The following CYB5R4 variants were observed in gnomAD, a reference collection of about 807,000 sequenced individuals.
CYB5R4 encodes N-terminal cytochrome b5 and cytochrome b5 oxidoreductase domain-containing protein.
A neutral mutation model predicts 70.2 loss-of-function variants in CYB5R4; 55 were observed. The ratio of observed to expected loss-of-function variants is 0.78; its 90% CI spans 0.63 to 0.98. The LOEUF (loss-of-function observed/expected upper bound fraction) is 0.98, where lower values mean the gene tolerates loss of function less well. CYB5R4 is among the 50% of genes least tolerant of loss of function. CYB5R4 has a pLI of 0.00. For synonymous variants in CYB5R4, 197 were observed against 199.5 expected (o/e 0.99, Z 0.11); for missense variants, 562 against 612.6 (o/e 0.92, Z 0.87).
Position 83,961,313 on chromosome 6 carries a change from C to T in CYB5R4, c.*1435C>T, listed in dbSNP as rs1399086849. On this transcript the variant is annotated 3_prime_UTR_variant, in exon 16 of 16. Transcript: ENST00000369681. ...ACTTTTTCTAGCTTCATGCCTTCCC[C>T]CTACTTATTTTTTTCCATCTAAGGG... is the stretch of plus-strand genomic sequence containing the variant. The T allele has an allele frequency of 6.6e-6, 1 of 152,062 alleles. No individual in the cohort carries two copies. The highest frequency in any genetic ancestry group is 6.6e-5 in the Admixed American group (1 of 15,252). 9.4% of individuals were successfully genotyped at this position (152,062 alleles called of 1,614,324 possible).
intron 4 of CYB5R4, among the ~76,000 whole-genome samples, chr6:83,913,978 G>A (rs934920963): frequency 2.2e-4 from 34 of 152,076 alleles, no homozygotes; most frequent in African/African-American, 7.2e-4. Flanking sequence ...TTTATGCATT[G>A]AACTCAGTAA....
At chr6:83,882,717 G>A (rs2099459656) in intron 2 of CYB5R4, among the ~76,000 whole-genome samples, 1 of 152,194 alleles carries the variant, frequency 6.6e-6, no homozygotes, top group Non-Finnish European at 1.5e-5. Flanking sequence ...GCCCGGCGTG[G>A]TGGCTCACGC....
At chr6:83,919,534 TTA>T (rs2099466033) in intron 7 of CYB5R4, 80 bp downstream of exon 7, 1 of 655,880 alleles carries the variant, frequency 1.5e-6, no homozygotes, top group East Asian at 3.3e-5. Context: ...AAACACTTTT[TTA>T]TATTATTTAC....
intron 3 of CYB5R4, among the ~76,000 whole-genome samples, chr6:83,894,129 TG>T (rs372105026): frequency 2.6e-5 from 4 of 152,328 alleles, no homozygotes; most frequent in African/African-American, 9.6e-5. Flanking sequence ...TTTCCTAGCA[TG>T]ATGGCAGAGA....
chr6:83,930,776 A>C (rs966627722), intron 10 of CYB5R4, among the ~76,000 whole-genome samples: 2 of 146,888 alleles, frequency 1.4e-5, no homozygotes, highest in African/African-American at 5.3e-5. Context: ...GTTGAGACTT[A>C]CTATGTGAAA....
At chr6:83,931,977 T>G (rs2099468219) in intron 10 of CYB5R4, among the ~76,000 whole-genome samples, 1 of 127,858 alleles carries the variant, frequency 7.8e-6, no homozygotes, top group Non-Finnish European at 1.6e-5. Context: ...CAGGCCCTAG[T>G]GTGTGATGTT....
chr6:83,924,340 T>C (rs2099466927), intron 9 of CYB5R4, 130 bp from the exon 10 acceptor site: 2 of 835,674 alleles, frequency 2.4e-6, no homozygotes, highest in Non-Finnish European at 3.5e-6. Flanking sequence ...CAAAATCTTA[T>C]TTATCCCACT....
At chr6:83,953,404 T>C (rs1286218748) in intron 14 of CYB5R4, among the ~76,000 whole-genome samples, 2 of 151,860 alleles carry the variant, frequency 1.3e-5, no homozygotes, top group Non-Finnish European at 2.9e-5. Flanking sequence ...CCTAGTTTTG[T>C]GAGATTTTTT....
chr6:83,900,194 A>G (rs1487776118), intron 3 of CYB5R4, among the ~76,000 whole-genome samples: 2 of 152,166 alleles, frequency 1.3e-5, no homozygotes, highest in Admixed American at 6.6e-5. Flanking sequence ...TTCAAAGAAC[A>G]TCTTTATTTC....
intron 9 of CYB5R4, among the ~76,000 whole-genome samples, chr6:83,923,729 A>G (rs1019716510): frequency 3.9e-5 from 6 of 152,096 alleles, no homozygotes; most frequent in African/African-American, 1.4e-4. Flanking sequence ...ACTCATTCTC[A>G]TGAGGCTCTT....
chr6:83,900,212 G>A (rs138175402), intron 3 of CYB5R4, among the ~76,000 whole-genome samples: 3,259 of 152,000 alleles, frequency 0.021, 63 homozygotes, highest in Middle Eastern at 0.088. Flanking sequence ...TTCTGCCTTC[G>A]TTTCGTTTTG....
At chr6:83,950,997 G>C (rs2099471428) in intron 14 of CYB5R4, among the ~76,000 whole-genome samples, 1 of 152,032 alleles carries the variant, frequency 6.6e-6, no homozygotes, top group Non-Finnish European at 1.5e-5. Context: ...CACAACTAGG[G>C]GAAGACGTGT....
chr6:83,939,168 C>T (rs570713924), intron 12 of CYB5R4, among the ~76,000 whole-genome samples: 271 of 152,192 alleles, frequency 1.8e-3, no homozygotes, highest in Middle Eastern at 3.4e-3. Context: ...TCAACTACTG[C>T]AAGATTCTTA....
At chr6:83,924,085 AAAAAG>A (rs2099466883) in intron 9 of CYB5R4, among the ~76,000 whole-genome samples, 1 of 150,442 alleles carries the variant, frequency 6.6e-6, no homozygotes, top group African/African-American at 2.4e-5. Context: ...AAAAAAAAAA[AAAAAG>A]AATTAAATTT....
chr6:83,859,849 C>T lies in CYB5R4; in HGVS notation c.67C>T (p.Arg23Cys). The change falls in exon 1 of 16, where the codon CGT (arginine) becomes TGT (cysteine). Residue 23 changes from arginine to cysteine, a missense_variant. Coordinates refer to ENST00000369681, the MANE Select transcript of CYB5R4 (RefSeq NM_016230.4). ...RSQQRVASGGRSKVPLKQGRS... is the reference protein window; with the variant it reads ...RSQQRVASGGCSKVPLKQGRS... ...GCAGCAGCGTGTCGCCTCCGGGGGG[C>T]GTAGCAAGGTAAGCGGGTGGCTCCG... is the stretch of plus-strand genomic sequence containing the variant. 1.2e-6 allele frequency: 2 copies of T among 1,612,202 alleles called. No individual in the cohort carries two copies. Among genetic ancestry groups the T allele is most frequent in the Non-Finnish European group, 1.7e-6 (2 of 1,179,426 alleles).
At chr6:83,912,206 C>T (rs2129138255) in intron 4 of CYB5R4, among the ~76,000 whole-genome samples, 1 of 152,290 alleles carries the variant, frequency 6.6e-6, no homozygotes, top group Non-Finnish European at 1.5e-5. Flanking sequence ...CCCATGCACA[C>T]ACCAAGGACA....
rs879261513 is a variant in CYB5R4, at chr6:83,962,902, G to C, written c.*3024G>C. On this transcript the variant is annotated 3_prime_UTR_variant, in exon 16 of 16. Coordinates refer to ENST00000369681, the MANE Select transcript of CYB5R4 (RefSeq NM_016230.4). Reference sequence around the variant, plus strand: ...TGAATCTCATGCTTTCAGTCTCTCTGAATTCCCTTGTGGGCTTCTTCAGCA... The same window carrying C: ...TGAATCTCATGCTTTCAGTCTCTCTCAATTCCCTTGTGGGCTTCTTCAGCA... 1.3e-5 allele frequency: 2 copies of C among 152,150 alleles called. No individual in the cohort carries two copies. Among genetic ancestry groups the C allele is most frequent in the Admixed American group, 6.6e-5 (1 of 15,262 alleles). 9.4% of individuals were successfully genotyped at this position (152,150 alleles called of 1,614,324 possible). A position where few individuals can be genotyped will look rare whatever the true frequency, so the allele number is the denominator to read the frequency against.
At chr6:83,879,994 C>A (rs1373471355) in intron 2 of CYB5R4, among the ~76,000 whole-genome samples, 2 of 152,142 alleles carry the variant, frequency 1.3e-5, no homozygotes, top group East Asian at 3.8e-4. Flanking sequence ...ATGACCTCAC[C>A]TCTCTGATGG....
chr6:83,927,206 A>T (rs1204411339), intron 10 of CYB5R4, among the ~76,000 whole-genome samples: 1 of 152,208 alleles, frequency 6.6e-6, no homozygotes, highest in Non-Finnish European at 1.5e-5. Context: ...TAAAATTATC[A>T]TATATAATTT....
Sources: gnomAD v4.1 joint callset for allele counts (sites outside exome capture counted in the v4.1 genomes callset) on GRCh38, gnomAD v4.1.1 for gene constraint, MANE v1.5 for transcripts, NCBI Gene and HGNC (gene_info 2026-07-23, HGNC 2026-07-21) for gene names.